The following ACSL6 variants were observed in gnomAD, a reference collection of about 807,000 sequenced individuals.
The protein encoded by ACSL6 is acyl-CoA synthetase long chain family member 6.
A neutral mutation model predicts 98.2 loss-of-function variants in ACSL6; 47 were observed. The observed-to-expected ratio is 0.48, with a 90% CI of 0.38 to 0.61. The LOEUF is 0.61. Ranked by LOEUF, ACSL6 falls within the 20% of genes least tolerant of loss-of-function variation. The pLI is 0.00. For missense variants in ACSL6, 761 were observed against 913.4 expected (o/e 0.83, Z 2.15); for synonymous variants, 362 against 336.9 (o/e 1.07, Z -0.82).
intron 1 of ACSL6, among the ~76,000 whole-genome samples, chr5:132,010,413 G>C (rs1755646760): frequency 1.3e-5 from 2 of 152,156 alleles, no homozygotes. Context: ...TCTGAACTCA[G>C]TAAAAAAAGG....
chr5:131,976,544 G>GAAA, intron 10 of ACSL6, 104 bp downstream of exon 10: 21 of 827,298 alleles, frequency 2.5e-5, no homozygotes, highest in South Asian at 3.8e-5. Context: ...GTTATATCAA[G>GAAA]AAAAAAAAAA....
intron 1 of ACSL6, 178 bp from the exon 2 acceptor site, chr5:131,994,429 G>A: frequency 1.7e-6 from 1 of 602,104 alleles, no homozygotes. Flanking sequence ...CCAGGAAGAG[G>A]CCAGAACCTT....
intron 19 of ACSL6, 90 bp downstream of exon 19, chr5:131,960,430 T>C (rs1009054028): frequency 1.1e-5 from 12 of 1,053,338 alleles, no homozygotes; most frequent in Non-Finnish European, 1.6e-5. Context: ...CGAGCTCGAA[T>C]TTCACTGGTC....
rs369545327 is a variant in ACSL6 at position 131,989,263 on chromosome 5, T to G, written c.552+144A>C. On this transcript the variant is annotated intron_variant, in intron 5 of 20. Coordinates refer to ENST00000651883, the MANE Select transcript of ACSL6 (RefSeq NM_001009185.3). ...GTGCTGATGAGGGGCAGAGCCAGGG[T>G]GGGAAGAGGAGTGGTGGCATAGCCC... 1.6e-4 allele frequency: 126 copies of G among 780,436 alleles called. No individual in the cohort carries two copies. In the East Asian group the frequency reaches 2.8e-3, roughly 17 times the overall value. The allele number at this position is 780,436 out of a possible 1,614,324, so 48.3% of individuals were successfully genotyped here. A position where few individuals can be genotyped will look rare whatever the true frequency, so the allele number is the denominator to read the frequency against.
intron 1 of ACSL6, among the ~76,000 whole-genome samples, chr5:132,003,024 G>A (rs1755175504): frequency 6.6e-6 from 1 of 152,196 alleles, no homozygotes; most frequent in Non-Finnish European, 1.5e-5. Flanking sequence ...GCCAGGATCC[G>A]GCATGGCTCC....
intron 1 of ACSL6, among the ~76,000 whole-genome samples, chr5:131,999,992 T>G (rs1374301758): frequency 1.3e-5 from 2 of 151,774 alleles, no homozygotes; most frequent in African/African-American, 4.8e-5. Flanking sequence ...GCAGTGAGCA[T>G]GAGTTTATGT....
intron 16 of ACSL6, among the ~76,000 whole-genome samples, chr5:131,966,746 T>A (rs1296471521): frequency 6.6e-6 from 1 of 152,218 alleles, no homozygotes; most frequent in African/African-American, 2.4e-5. Context: ...CTTTCCCCCC[T>A]GCCCTGGCCA....
intron 2 of ACSL6, among the ~76,000 whole-genome samples, chr5:131,992,592 C>T (rs892248902): frequency 2.0e-5 from 3 of 152,212 alleles, no homozygotes; most frequent in African/African-American, 4.8e-5. Context: ...CCCCTACACA[C>T]GAGCCAGGGT....
chr5:131,988,366 A>C, intron 6 of ACSL6, 140 bp from the exon 7 acceptor site: 1 of 1,292,528 alleles, frequency 7.7e-7, no homozygotes. Flanking sequence ...TACATAAGAC[A>C]GGCCTCGTGT....
At chr5:132,009,079 T>C (rs1245721094) in intron 1 of ACSL6, among the ~76,000 whole-genome samples, 1 of 152,230 alleles carries the variant, frequency 6.6e-6, no homozygotes, top group Non-Finnish European at 1.5e-5. Context: ...AGGTGAGATC[T>C]GGGCTGGCCC....
At position 131,985,026 on chromosome 5, in the gene ACSL6, A is replaced by T. The variant is rs894925926; in HGVS notation, c.916+381T>A. 28 of 252,302 alleles carry T rather than the reference A, an allele frequency of 1.1e-4. No homozygotes were observed. The Admixed American group carries it at 1.2e-3, about 11-fold the overall frequency. 15.6% of individuals were successfully genotyped at this position (252,302 alleles called of 1,614,324 possible). On this transcript the variant is annotated intron_variant, in intron 9 of 20. Transcript: ENST00000651883. ...AAGGCTCTCAGACGCCAAACCTCACACTCTTTCCCCAGTCTCCAACACAAA... is the reference window on the plus strand; with the variant it reads ...AAGGCTCTCAGACGCCAAACCTCACTCTCTTTCCCCAGTCTCCAACACAAA...
rs566615199 is a variant in ACSL6, at chr5:131,953,355, T to C, written c.*879A>G. ...TTGGCTGGGAACAATGGCTCATGCC[T>C]GTAATCCTAGCACTTAGGGAGGCCA... On this transcript the variant is annotated 3_prime_UTR_variant, in exon 21 of 21. Coordinates refer to ENST00000651883, the MANE Select transcript of ACSL6 (RefSeq NM_001009185.3). 1.7e-4 allele frequency: 31 copies of C among 183,688 alleles called. No individual in the cohort carries two copies. In the South Asian group the frequency reaches 6.1e-3, roughly 36 times the overall value. The allele number at this position is 183,688 out of a possible 1,614,324, so 11.4% of individuals were successfully genotyped here.
rs749597885 is a variant in ACSL6 at position 131,973,395 on chromosome 5, G to A, written c.1074C>T (p.Val358=). 30 of 1,613,994 alleles carry A rather than the reference G, an allele frequency of 1.9e-5. No individual in the cohort carries two copies. The highest frequency in any genetic ancestry group is 2.2e-5 in the East Asian group (1 of 44,866). The change falls in exon 12 of 21, where the codon GTC becomes GTT. Residue 358 remains valine, a synonymous_variant. Transcript: ENST00000651883. ...CAACACGCCCTCCGTGGCAATAGAC[G>A]ACAGACTAGAAAGACAGGACAGGAA... The part of the protein sequence containing the change: ...AHMFERVIQS[V]VYCHGGRVGF...
chr5:131,992,287 A>G (rs1754567330), intron 2 of ACSL6, among the ~76,000 whole-genome samples: 1 of 152,138 alleles, frequency 6.6e-6, no homozygotes, highest in Non-Finnish European at 1.5e-5. Context: ...CTTGAGGTTG[A>G]GGGTAATGGG....
At chr5:131,985,380 G>T (rs916312494) in intron 9 of ACSL6, 27 bp downstream of exon 9, 3 of 1,613,926 alleles carry the variant, frequency 1.9e-6, no homozygotes, top group Non-Finnish European at 8.5e-7. Flanking sequence ...GGTAGCCATG[G>T]CTGGGGATCT....
rs78185896 is a variant in ACSL6, at chr5:131,966,396, G to A, written c.1713+20C>T. ...CCCACTGCCAAATGTTTGGAGCTCC[G>A]TGGTTCCAAACATACACACCGGCAG... On this transcript the variant is annotated intron_variant, in intron 17 of 20. Coordinates refer to ENST00000651883, the MANE Select transcript of ACSL6 (RefSeq NM_001009185.3). 4.0e-3 allele frequency: 6,395 copies of A among 1,612,660 alleles called. 23 individuals carry two copies. Among genetic ancestry groups the A allele is most frequent in the South Asian group, 5.8e-3 (531 of 91,040 alleles).
chr5:131,962,753 C>A, intron 17 of ACSL6, 75 bp from the exon 18 acceptor site: 1 of 1,548,334 alleles, frequency 6.5e-7, no homozygotes, highest in South Asian at 1.2e-5. Flanking sequence ...AGTGCCGTAA[C>A]TCCCTGCCCT....
intron 14 of ACSL6, among the ~76,000 whole-genome samples, chr5:131,971,299 C>A (rs1236092782): frequency 6.6e-6 from 1 of 152,156 alleles, no homozygotes; most frequent in African/African-American, 2.4e-5. Context: ...GATCCCTTTG[C>A]CCTTTGTGAA....
chr5:131,972,517 T>C (rs1753367226), intron 13 of ACSL6, among the ~76,000 whole-genome samples: 1 of 152,174 alleles, frequency 6.6e-6, no homozygotes, highest in South Asian at 2.1e-4. Context: ...GGTTTTCTTC[T>C]TGCTCATCTC....
Sources: gnomAD v4.1 joint callset for allele counts (sites outside exome capture counted in the v4.1 genomes callset) on GRCh38, gnomAD v4.1.1 for gene constraint, MANE v1.5 for transcripts, NCBI Gene and HGNC (gene_info 2026-07-23, HGNC 2026-07-21) for gene names.